The following CUL3 variants were observed in gnomAD, a reference collection of about 807,000 sequenced individuals.
The protein encoded by CUL3 is cullin 3.
Under a neutral mutation model 89.1 loss-of-function variants are expected in CUL3, and 19 were observed. The ratio of observed to expected loss-of-function variants is 0.21; its 90% CI spans 0.15 to 0.31. CUL3 has a LOEUF of 0.31. Ranked by LOEUF, CUL3 falls within the 10% of genes least tolerant of loss-of-function variation. CUL3 has a pLI of 1.00. For missense variants in CUL3, 469 were observed against 942.3 expected, an observed-to-expected ratio of 0.50 and a Z score of 6.58; for synonymous variants, 351 against 308.4, an observed-to-expected ratio of 1.14 and a Z score of -1.45.
intron 1 of CUL3, among the ~76,000 whole-genome samples, chr2:224,580,444 G>C (rs373899598): frequency 1.9e-4 from 29 of 152,332 alleles, no homozygotes; most frequent in Non-Finnish European, 4.4e-5. Context: ...AGCACTTTGC[G>C]TAACAGCGGT....
At position 224,470,237 on chromosome 2, in the gene CUL3, A is replaced by G. The variant is rs576731629; in HGVS notation, c.*4008T>C. ...TTAGTTGAACTGTCCTGTTATTAAA[A>G]TCTTGAAATTTGACAATTTCATTGT... On this transcript the variant is annotated 3_prime_UTR_variant, in exon 16 of 16. Coordinates refer to ENST00000264414, the MANE Select transcript of CUL3 (RefSeq NM_003590.5). 25 of 215,134 alleles carry G rather than the reference A, an allele frequency of 1.2e-4. No homozygotes were observed. The highest frequency in any genetic ancestry group is 2.1e-4 in the Non-Finnish European group (22 of 106,990). The allele number at this position is 215,134 out of a possible 1,614,324, so 13.3% of individuals were successfully genotyped here.
intron 3 of CUL3, among the ~76,000 whole-genome samples, chr2:224,519,628 A>G (rs1405980589): frequency 1.3e-5 from 2 of 152,222 alleles, no homozygotes; most frequent in Admixed American, 1.3e-4. Flanking sequence ...AAAACTATTA[A>G]TAGTAATACT....
rs2106215313 is a variant in CUL3 at position 224,511,436 on chromosome 2, T to C, written c.801A>G (p.Glu267=). The C allele has an allele frequency of 1.2e-6, 2 of 1,613,896 alleles. No individual in the cohort carries two copies. Among genetic ancestry groups the C allele is most frequent in the Non-Finnish European group, 1.7e-6 (2 of 1,179,878 alleles). ...EEPIVKVVER[E]LISKHMKTIV... is the part of the protein sequence containing the mutation. Reference sequence around the variant, plus strand: ...TAGTCTTCATGTGCTTGGAAATGAGTTCCCTTTCAACCACCTTTACAATTG... The same window carrying C: ...TAGTCTTCATGTGCTTGGAAATGAGCTCCCTTTCAACCACCTTTACAATTG... Residue 267 remains glutamate (E), a synonymous_variant, in exon 6 of 16, where the codon GAA becomes GAG. Transcript: ENST00000264414.
chr2:224,568,238 C>G (rs763234133), intron 1 of CUL3, among the ~76,000 whole-genome samples: 1 of 152,196 alleles, frequency 6.6e-6, no homozygotes, highest in Non-Finnish European at 1.5e-5. Context: ...ATTTACTTAA[C>G]TATACACTAA....
At chr2:224,551,481 A>T (rs957288345) in intron 2 of CUL3, among the ~76,000 whole-genome samples, 1 of 151,312 alleles carries the variant, frequency 6.6e-6, no homozygotes, top group Non-Finnish European at 1.5e-5. Context: ...CTGGGATTAC[A>T]GGTGTGAGCC....
chr2:224,546,624 TAGTAAC>T (rs2106284892), intron 2 of CUL3, among the ~76,000 whole-genome samples: 1 of 151,144 alleles, frequency 6.6e-6, no homozygotes, highest in Non-Finnish European at 1.5e-5. Context: ...TTTATTCACT[TAGTAAC>T]AGAAGAATAT....
At chr2:224,527,895 T>G (rs1574659405) in intron 3 of CUL3, among the ~76,000 whole-genome samples, 1 of 152,102 alleles carries the variant, frequency 6.6e-6, no homozygotes, top group East Asian at 1.9e-4. Flanking sequence ...AGAGGGAAAA[T>G]TCTATCAGTG....
chr2:224,530,918 CCAAA>C (rs139434539), intron 3 of CUL3, among the ~76,000 whole-genome samples: 45,019 of 151,482 alleles, frequency 0.3, 6,840 homozygotes, highest in Middle Eastern at 0.4. Context: ...AAAAACAAAA[CCAAA>C]CAAACAAAAA....
At chr2:224,503,612 T>A in intron 9 of CUL3, 40 bp downstream of exon 9, 1 of 1,475,486 alleles carries the variant, frequency 6.8e-7, no homozygotes, top group Non-Finnish European at 9.1e-7. Context: ...ATAATAAACC[T>A]CAGTTAGGTG....
At position 224,513,592 on chromosome 2, in the gene CUL3, C is replaced by T. The variant is rs1159290749; in HGVS notation, c.586G>A (p.Glu196Lys). 3 of 1,603,420 alleles carry T rather than the reference C, an allele frequency of 1.9e-6. No homozygotes were observed. Among genetic ancestry groups the T allele is most frequent in the South Asian group, 1.1e-5 (1 of 87,444 alleles). The change falls in exon 5 of 16, where the codon GAA becomes AAA. Residue 196 changes from glutamate to lysine, a missense_variant. Physicochemically the swap from Glu to Lys is moderately conservative, Grantham distance 56. Coordinates refer to ENST00000264414, the MANE Select transcript of CUL3 (RefSeq NM_003590.5). ...TCTTCTTCATAGACTGATCTTCCTT[C>T]GAGACCTAAAATCATTAACATCTGG... ...ACQMLMILGL[E>K]GRSVYEEDFE... is the part of the protein sequence containing the mutation.
intron 6 of CUL3, among the ~76,000 whole-genome samples, chr2:224,510,806 T>A (rs1289129384): frequency 6.6e-6 from 1 of 152,244 alleles, no homozygotes. Flanking sequence ...TTTACTTTTA[T>A]GCACTCCTCC....
At chr2:224,577,429 C>T (rs760961312) in intron 1 of CUL3, among the ~76,000 whole-genome samples, 6 of 152,044 alleles carry the variant, frequency 3.9e-5, no homozygotes, top group South Asian at 4.2e-4. Context: ...ATTAGCCAGG[C>T]GTGGTGGCAG....
chr2:224,521,915 C>T (rs1693280497), intron 3 of CUL3, among the ~76,000 whole-genome samples: 2 of 151,942 alleles, frequency 1.3e-5, no homozygotes, highest in African/African-American at 4.8e-5. Context: ...TATCCTCATA[C>T]TAAGAACATC....
At chr2:224,519,445 T>G (rs1693182301) in intron 3 of CUL3, among the ~76,000 whole-genome samples, 1 of 152,196 alleles carries the variant, frequency 6.6e-6, no homozygotes, top group African/African-American at 2.4e-5. Context: ...AGCCATGGGT[T>G]ACTGTGGTGT....
chr2:224,558,557 T>C (rs1694798471), intron 1 of CUL3, among the ~76,000 whole-genome samples: 1 of 152,314 alleles, frequency 6.6e-6, no homozygotes, highest in South Asian at 2.1e-4. Context: ...TGCCAAGTTA[T>C]TGTACTCGAA....
chr2:224,498,285 A>AT (rs1203168006), intron 11 of CUL3, among the ~76,000 whole-genome samples: 9 of 152,094 alleles, frequency 5.9e-5, no homozygotes, highest in Non-Finnish European at 1.3e-4. Context: ...AGTTTATGTA[A>AT]TTTTTTCTTA....
Position 224,558,858 on chromosome 2 carries a change from C to T in CUL3, c.67-1002G>A, listed in dbSNP as rs772571829. ...GAGATCGAGACCATCCTGGCTAATACGGTCTCTACTAAATATACAAAAAAT... is the reference window on the plus strand; with the variant it reads ...GAGATCGAGACCATCCTGGCTAATATGGTCTCTACTAAATATACAAAAAAT... On this transcript the variant is annotated intron_variant, in intron 1 of 15. Transcript: ENST00000264414. Among the ~76,000 whole-genome samples, 7 of 63,748 alleles carry T rather than the reference C, an allele frequency of 1.1e-4. 1 individual carries two copies. Among genetic ancestry groups the T allele is most frequent in the African/African-American group, 1.2e-4 (1 of 8,238 alleles). The allele number at this position is 63,748 out of a possible 152,430, so 41.8% of individuals were successfully genotyped here. A position where few individuals can be genotyped will look rare whatever the true frequency, so the allele number is the denominator to read the frequency against.
chr2:224,514,755 T>C lies in CUL3; in HGVS notation c.396A>G (p.Gln132=), dbSNP rs1055270949. ...TGTAGACGTTCTCCACATTATTTTG[T>C]TGTACATACACACGGTCCTACAGTT... is the stretch of plus-strand genomic sequence containing the variant. The part of the protein sequence containing the change: ...ILMYMDRVYV[Q]QNNVENVYNL... The change falls in exon 4 of 16, where the codon CAA becomes CAG. Residue 132 remains glutamine (Q), a synonymous_variant. Coordinates refer to ENST00000264414, the MANE Select transcript of CUL3 (RefSeq NM_003590.5). 1.4e-5 allele frequency: 23 copies of C among 1,611,946 alleles called. No individual in the cohort carries two copies. The highest frequency in any genetic ancestry group is 6.7e-5 in the Admixed American group (4 of 59,988).
chr2:224,486,623 A>G (rs1691734252), intron 13 of CUL3, among the ~76,000 whole-genome samples: 1 of 152,198 alleles, frequency 6.6e-6, no homozygotes, highest in African/African-American at 2.4e-5. Flanking sequence ...CTATGTGAAA[A>G]GACCAAACCT....
Sources: allele counts gnomAD v4.1 joint callset (sites outside exome capture counted in the v4.1 genomes callset), GRCh38; gene constraint gnomAD v4.1.1; transcripts MANE v1.5; gene names NCBI Gene and HGNC (gene_info 2026-07-23, HGNC 2026-07-21).